The following OPCML variants were observed in gnomAD, a reference collection of about 807,000 sequenced individuals.
The protein encoded by OPCML is opioid-binding protein/cell adhesion molecule.
Under a neutral mutation model 37.8 loss-of-function variants are expected in OPCML, and 13 were observed. That is an observed-to-expected ratio of 0.34 (90% CI 0.22 to 0.55). The LOEUF is 0.55. Ranked by LOEUF, OPCML falls within the 20% of genes least tolerant of loss-of-function variation. The pLI, the probability that OPCML is intolerant of heterozygous loss-of-function variation, is 0.91. For missense variants in OPCML, 341 were observed against 435.6 expected (o/e 0.78, Z 1.93); for synonymous variants, 176 against 168.8 (o/e 1.04, Z -0.33).
At chr11:132,648,561 C>A (rs1406254045) in intron 3 of OPCML, among the ~76,000 whole-genome samples, 1 of 151,334 alleles carries the variant, frequency 6.6e-6, no homozygotes, top group African/African-American at 2.4e-5. Context: ...GCTCTGTCAC[C>A]CAGGCTGGAG....
intron 2 of OPCML, among the ~76,000 whole-genome samples, chr11:132,723,661 C>T (rs1488777539): frequency 1.3e-5 from 2 of 152,232 alleles, no homozygotes; most frequent in African/African-American, 2.4e-5. Flanking sequence ...TCTCCTTTCT[C>T]TTTCTCATTG....
chr11:132,638,284 C>T lies in OPCML; in HGVS notation c.379+18803G>A, dbSNP rs1940647937. 4.0e-5 allele frequency among the ~76,000 whole-genome samples: 6 copies of T among 151,518 alleles called. No individual in the cohort carries two copies. The South Asian group carries it at 1.0e-3, about 26-fold the overall frequency. On this transcript the variant is annotated intron_variant, in intron 3 of 7. Coordinates refer to ENST00000524381, the MANE Select transcript of OPCML (RefSeq NM_001012393.5). ...ATATATTAATATAGATCTTGTAACT[C>T]TGGTGTTCAGACCCCTGTATTTAAT...
chr11:133,378,691 T>A (rs1285538323), intron 1 of OPCML, among the ~76,000 whole-genome samples: 1 of 151,402 alleles, frequency 6.6e-6, no homozygotes, highest in Non-Finnish European at 1.5e-5. Flanking sequence ...TTTCTTTCTT[T>A]CTTTTTTTCC....
chr11:132,777,275 C>T (rs2136139599), intron 2 of OPCML, among the ~76,000 whole-genome samples: 1 of 152,318 alleles, frequency 6.6e-6, no homozygotes, highest in Middle Eastern at 3.4e-3. Flanking sequence ...CAGTCACATG[C>T]ACTTCCTTTA....
intron 3 of OPCML, among the ~76,000 whole-genome samples, chr11:132,583,533 C>G (rs1199446385): frequency 6.6e-6 from 1 of 152,112 alleles, no homozygotes. Flanking sequence ...ACTCTTGACT[C>G]AAGCAATCCT....
At chr11:133,069,239 G>A (rs1324568332) in intron 1 of OPCML, among the ~76,000 whole-genome samples, 1 of 152,206 alleles carries the variant, frequency 6.6e-6, no homozygotes, top group Admixed American at 6.5e-5. Flanking sequence ...CTATTTATAA[G>A]TGAAAATGAA....
intron 1 of OPCML, among the ~76,000 whole-genome samples, chr11:133,104,202 G>C (rs1312427938): frequency 6.6e-6 from 1 of 152,232 alleles, no homozygotes; most frequent in Admixed American, 6.5e-5. Flanking sequence ...GCTATTCAGG[G>C]AGAAAGGAGG....
chr11:133,318,823 G>A (rs1217071604), intron 1 of OPCML, among the ~76,000 whole-genome samples: 3 of 152,070 alleles, frequency 2.0e-5, no homozygotes, highest in Non-Finnish European at 2.9e-5. Flanking sequence ...GATTACTTGA[G>A]GTCAGGAGTT....
intron 3 of OPCML, among the ~76,000 whole-genome samples, chr11:132,645,269 G>C (rs1941085077): frequency 6.6e-6 from 1 of 152,212 alleles, no homozygotes; most frequent in East Asian, 1.9e-4. Flanking sequence ...CAAGGGAAAG[G>C]ACTTGAAGGG....
chr11:132,596,318 A>G (rs1296189073), intron 3 of OPCML, among the ~76,000 whole-genome samples: 1 of 152,162 alleles, frequency 6.6e-6, no homozygotes, highest in African/African-American at 2.4e-5. Flanking sequence ...TGTCTGCCCT[A>G]TCTATATTTT....
chr11:132,900,638 C>T (rs1944024596), intron 2 of OPCML, among the ~76,000 whole-genome samples: 1 of 152,226 alleles, frequency 6.6e-6, no homozygotes, highest in African/African-American at 2.4e-5. Flanking sequence ...ACTGTCTCCG[C>T]ACGCTGTGAC....
At chr11:132,696,493 T>A (rs919631265) in intron 2 of OPCML, among the ~76,000 whole-genome samples, 1 of 152,148 alleles carries the variant, frequency 6.6e-6, no homozygotes, top group Admixed American at 6.5e-5. Context: ...AGATTTAAGA[T>A]GATACTATAC....
intron 2 of OPCML, among the ~76,000 whole-genome samples, chr11:132,683,650 A>G (rs1943046112): frequency 6.6e-6 from 1 of 152,196 alleles, no homozygotes; most frequent in African/African-American, 2.4e-5. Context: ...TAACTCATGC[A>G]TTCAATTTGC....
chr11:133,031,291 G>T (rs889007979), intron 1 of OPCML, among the ~76,000 whole-genome samples: 1 of 151,856 alleles, frequency 6.6e-6, no homozygotes, highest in Non-Finnish European at 1.5e-5. Flanking sequence ...TGTGTGCATG[G>T]GTGGATGGAT....
chr11:133,362,169 T>C (rs966741387), intron 1 of OPCML: 4 of 152,218 alleles, frequency 2.6e-5, no homozygotes, highest in Admixed American at 2.0e-4. Flanking sequence ...GCCCATCGAA[T>C]AGAAGGTGGT....
chr11:132,853,125 C>T (rs1355413694), intron 2 of OPCML, among the ~76,000 whole-genome samples: 1 of 152,070 alleles, frequency 6.6e-6, no homozygotes, highest in Admixed American at 6.6e-5. Context: ...TGGTATCTTG[C>T]AGACATTTTT....
intron 1 of OPCML, among the ~76,000 whole-genome samples, chr11:133,398,028 T>C (rs995246283): frequency 2.6e-5 from 4 of 152,176 alleles, no homozygotes; most frequent in Non-Finnish European, 5.9e-5. Flanking sequence ...TCTCACCTAG[T>C]CCCTCTTGTC....
intron 3 of OPCML, among the ~76,000 whole-genome samples, chr11:132,640,787 G>T (rs1402011433): frequency 1.3e-5 from 2 of 152,140 alleles, no homozygotes; most frequent in African/African-American, 4.8e-5. Flanking sequence ...GACACCTTCA[G>T]GTATTTAGAA....
At chr11:132,525,188 A>G (rs544324651) in intron 4 of OPCML, among the ~76,000 whole-genome samples, 1 of 152,258 alleles carries the variant, frequency 6.6e-6, no homozygotes, top group East Asian at 1.9e-4. Flanking sequence ...TGATCCATCA[A>G]AGCTTACTAT....
Sources: allele counts gnomAD v4.1 joint callset (sites outside exome capture counted in the v4.1 genomes callset), GRCh38; gene constraint gnomAD v4.1.1; transcripts MANE v1.5; gene names NCBI Gene and HGNC (gene_info 2026-07-23, HGNC 2026-07-21).